Variants in CUL9 observed in about 807,000 individuals in gnomAD.
The protein encoded by CUL9 is cullin 9.
Under a neutral mutation model 272.6 loss-of-function variants are expected in CUL9, and 79 were observed. The ratio of observed to expected loss-of-function variants is 0.29; its 90% CI spans 0.24 to 0.35. CUL9 has a LOEUF of 0.35. Ranked by LOEUF, CUL9 falls within the 10% of genes least tolerant of loss-of-function variation. CUL9 has a pLI of 1.00. For synonymous variants in CUL9, 1,186 were observed against 1,286.5 expected, an observed-to-expected ratio of 0.92 and a Z score of 1.67; for missense variants, 2,532 against 3,255.6, an observed-to-expected ratio of 0.78 and a Z score of 5.41.
chr6:43,205,875 G>T, intron 24 of CUL9, 132 bp from the exon 25 acceptor site: 1 of 697,122 alleles, frequency 1.4e-6, no homozygotes. Context: ...TGGTGGAAAG[G>T]GAGTGGGAAA....
At chr6:43,188,291 A>T (rs941488009) in intron 7 of CUL9, 173 bp downstream of exon 7, 5 of 854,222 alleles carry the variant, frequency 5.9e-6, no homozygotes, top group African/African-American at 1.7e-5. Context: ...TATTTAATTA[A>T]CCAGCGCTCC....
intron 26 of CUL9, among the ~76,000 whole-genome samples, chr6:43,210,533 G>A (rs144841852): frequency 2.0e-4 from 31 of 152,212 alleles, no homozygotes; most frequent in East Asian, 7.7e-4. Flanking sequence ...GCAGTCTGTC[G>A]GGGGAGATAC....
chr6:43,223,466 A>G lies in CUL9; in HGVS notation c.7284+69A>G. ...AGTTGAGGTCCTCCTGTCCCAGCAC[A>G]GCCCCTGCCCTGGGGCGAGTCCAGA... On this transcript the variant is annotated intron_variant, in intron 39 of 40. Transcript: ENST00000252050. This position sits in a 1 kb window ranked among gnomAD's most constrained non-coding sequence, Gnocchi z 4.1. The G allele has an allele frequency of 6.6e-7, 1 of 1,515,716 alleles. No individual in the cohort carries two copies. The highest frequency in any genetic ancestry group is 1.2e-5 in the South Asian group (1 of 80,676). 93.9% of individuals were successfully genotyped at this position (1,515,716 alleles called of 1,614,324 possible).
chr6:43,217,785 C>T (rs138081660), intron 31 of CUL9, among the ~76,000 whole-genome samples: 1 of 152,076 alleles, frequency 6.6e-6, no homozygotes, highest in Non-Finnish European at 1.5e-5. Flanking sequence ...AAATATTTCT[C>T]ATGGATTTAT....
chr6:43,216,038 G>A (rs892082018), intron 30 of CUL9, 120 bp from the exon 31 acceptor site: 2 of 910,300 alleles, frequency 2.2e-6, no homozygotes, highest in Admixed American at 2.6e-5. Flanking sequence ...GTTATCCTGA[G>A]GCTGCTTAGG....
At chr6:43,202,934 G>C (rs1028752810) in intron 17 of CUL9, 113 bp downstream of exon 17, 3 of 1,241,668 alleles carry the variant, frequency 2.4e-6, no homozygotes, top group Non-Finnish European at 3.5e-6. Flanking sequence ...CCTTGGGAAG[G>C]TGTTGCCTTG....
In CUL9 at chr6:43,213,794, T is replaced by TAG. The variant is rs1478029529; in HGVS notation, c.5574_5575dup (p.Lys1859ArgfsTer15). ...ATACCTCCCCAGGCATACCTGAACG[T>TAG]AGAGAAGGATGAAGGCCGAACCCTG... On this transcript the variant is annotated frameshift_variant, in exon 29 of 41. Coordinates refer to ENST00000252050, the MANE Select transcript of CUL9 (RefSeq NM_015089.4). LOFTEE classifies it high-confidence loss of function. The surrounding 1 kb of genome is among the most constrained non-coding windows in gnomAD (Gnocchi z 5.7). 1.2e-6 allele frequency: 2 copies of TAG among 1,613,986 alleles called. No individual in the cohort carries two copies. Among genetic ancestry groups the TAG allele is most frequent in the Non-Finnish European group, 1.7e-6 (2 of 1,180,012 alleles).
chr6:43,205,385 T>C lies in CUL9; in HGVS notation c.4755T>C (p.Ser1585=), dbSNP rs1445321638. Residue 1585 remains serine, a synonymous_variant, in exon 24 of 41, where the codon TCT becomes TCC. Coordinates refer to ENST00000252050, the MANE Select transcript of CUL9 (RefSeq NM_015089.4). ...ACCTGGAACCCATTATGGTCCTTTC[T>C]GGTCTGGAACTGGCCACAACTTTTG... ...QRHLEPIMVL[S]GLELATTFEH... is the part of the protein sequence containing the mutation. 1 of 1,614,196 alleles carries C rather than the reference T, an allele frequency of 6.2e-7. No homozygotes were observed.
At chr6:43,194,745 G>A (rs562356016) in intron 9 of CUL9, among the ~76,000 whole-genome samples, 13 of 151,840 alleles carry the variant, frequency 8.6e-5, no homozygotes, top group African/African-American at 2.9e-4. Flanking sequence ...ATCCACTATA[G>A]ATCATGACAA....
At chr6:43,222,462 C>T (rs1004137292) in intron 36 of CUL9, 69 bp from the exon 37 acceptor site, 3 of 1,592,420 alleles carry the variant, frequency 1.9e-6, no homozygotes, top group East Asian at 4.5e-5. Context: ...GGGGGGTGGG[C>T]TGAAGGTCTG....
In CUL9 at chr6:43,200,592, TCCTTAGA is replaced by T; in HGVS notation, c.3476-66_3476-60del. 6.2e-7 allele frequency: 1 copy of T among 1,613,242 alleles called. No individual in the cohort carries two copies. Among genetic ancestry groups the T allele is most frequent in the South Asian group, 1.1e-5 (1 of 91,052 alleles). On this transcript the variant is annotated intron_variant, in intron 15 of 40. Transcript: ENST00000252050. The surrounding 1 kb of genome is among the most constrained non-coding windows in gnomAD (Gnocchi z 4.0). ...GTCTGTTCTCCCCTTCCCTTCCTGC[TCCTTAGA>T]CCTTTTCCTTTTTCCTCTCAACTAA... is the stretch of plus-strand genomic sequence containing the variant.
intron 26 of CUL9, among the ~76,000 whole-genome samples, chr6:43,212,242 C>T (rs1301454083): frequency 6.6e-6 from 1 of 152,156 alleles, no homozygotes; most frequent in African/African-American, 2.4e-5. Context: ...GCCTGTCTCC[C>T]TTTGTGATGT....
intron 1 of CUL9, among the ~76,000 whole-genome samples, chr6:43,182,732 A>C (rs1772521403): frequency 6.7e-6 from 1 of 149,262 alleles, no homozygotes; most frequent in Admixed American, 6.7e-5. Flanking sequence ...CTTCACCTCT[A>C]CTCTCATCTT....
Position 43,206,421 on chromosome 6 carries a change from C to A in CUL9, c.5123C>A (p.Ser1708Tyr), listed in dbSNP as rs992079258. 1.1e-5 allele frequency: 18 copies of A among 1,614,196 alleles called. No individual in the cohort carries two copies. Among genetic ancestry groups the A allele is most frequent in the Non-Finnish European group, 1.4e-5 (17 of 1,180,028 alleles). Residue 1708 changes from serine to tyrosine, a missense_variant, in exon 26 of 41, where the codon TCC becomes TAC. Transcript: ENST00000252050. This position sits in a 1 kb window ranked among gnomAD's most constrained non-coding sequence, Gnocchi z 4.8. ...CTGTCACCACGCTGCTGGCCCGTCT[C>A]CCCACTCTGCTACCTGTACCATCCC... ...LVLSPRCWPV[S>Y]PLCYLYHPRK...
In CUL9 at chr6:43,184,213, C is replaced by G; in HGVS notation, c.-9-89C>G. 3 of 1,038,174 alleles carry G rather than the reference C, an allele frequency of 2.9e-6. No homozygotes were observed. The highest frequency in any genetic ancestry group is 1.6e-5 in the African/African-American group (1 of 61,754). The allele number at this position is 1,038,174 out of a possible 1,614,324, so 64.3% of individuals were successfully genotyped here. On this transcript the variant is annotated intron_variant, in intron 1 of 40. Transcript: ENST00000252050. The surrounding 1 kb of genome is among the most constrained non-coding windows in gnomAD (Gnocchi z 4.8). ...TACCATGCAGCCTACCGATCACCAC[C>G]CACCTTCTCTGTGTCTCAAGATTCC...
At position 43,196,814 on chromosome 6, in the gene CUL9, A is replaced by C. The variant is rs766395104; in HGVS notation, c.2755A>C (p.Met919Leu). The C allele has an allele frequency of 1.2e-6, 2 of 1,614,144 alleles. No individual in the cohort carries two copies. Among genetic ancestry groups the C allele is most frequent in the Admixed American group, 3.3e-5 (2 of 60,010 alleles). The change falls in exon 11 of 41, where the codon ATG (methionine) becomes CTG (leucine). Residue 919 changes from methionine to leucine, a missense_variant. This residue lies in a region of CUL9 where 2,218 missense variants were observed against 2,788.6 expected (regional missense o/e 0.80). Transcript: ENST00000252050. ...GCCTACCACACGCACCATCCTCATG[A>C]TGCTTCTCAATCGCTACTCAGAGCC... is the stretch of plus-strand genomic sequence containing the variant. ...PMPTTRTILM[M>L]LLNRYSEPPG...
At chr6:43,208,245 A>T (rs964716548) in intron 26 of CUL9, among the ~76,000 whole-genome samples, 11 of 152,202 alleles carry the variant, frequency 7.2e-5, no homozygotes, top group African/African-American at 1.9e-4. Flanking sequence ...TCTGTCACCC[A>T]GGCTGGAGTA....
chr6:43,199,448 C>A lies in CUL9; in HGVS notation c.3156+77C>A. 1 of 1,108,328 alleles carries A rather than the reference C, an allele frequency of 9.0e-7. No homozygotes were observed. Among genetic ancestry groups the A allele is most frequent in the Non-Finnish European group, 1.4e-6 (1 of 726,850 alleles). The allele number at this position is 1,108,328 out of a possible 1,614,324, so 68.7% of individuals were successfully genotyped here. On this transcript the variant is annotated intron_variant, in intron 13 of 40. Transcript: ENST00000252050. The surrounding 1 kb of genome is among the most constrained non-coding windows in gnomAD (Gnocchi z 4.4). ...CAACTCCTTGTGAGGCTCTGGAGGG[C>A]ACAGCAGAGCCTTTCTGAATGGATC...
chr6:43,198,517 TG>T, intron 11 of CUL9, 91 bp from the exon 12 acceptor site: 1 of 1,542,844 alleles, frequency 6.5e-7, no homozygotes, highest in Non-Finnish European at 8.7e-7. Flanking sequence ...AGGAAAATTT[TG>T]GGGTGATTTT....
Sources: gnomAD v4.1 joint callset for allele counts (sites outside exome capture counted in the v4.1 genomes callset) on GRCh38, gnomAD v4.1.1 for gene constraint, gnomAD v4.1.1 regional missense constraint, Gnocchi (gnomAD v3.1) non-coding constraint, MANE v1.5 for transcripts, NCBI Gene and HGNC (gene_info 2026-07-23, HGNC 2026-07-21) for gene names.